The following FBXW7 variants were observed in gnomAD, a reference collection of about 807,000 sequenced individuals.
The protein encoded by FBXW7 is F-box and WD repeat domain containing 7.
In FBXW7, 11 loss-of-function variants were observed where a neutral mutation model predicts 86.3. The ratio of observed to expected loss-of-function variants is 0.13; its 90% CI spans 0.08 to 0.21. FBXW7 has a LOEUF of 0.21. Ranked by LOEUF, FBXW7 falls within the 10% of genes least tolerant of loss-of-function variation. The pLI is 1.00. For synonymous variants in FBXW7, 313 were observed against 297.9 expected (o/e 1.05, Z -0.52); for missense variants, 488 against 847.4 (o/e 0.58, Z 5.27).
At chr4:152,493,658 C>T (rs773500789) in intron 2 of FBXW7, among the ~76,000 whole-genome samples, 1 of 152,108 alleles carries the variant, frequency 6.6e-6, no homozygotes, top group Non-Finnish European at 1.5e-5. Flanking sequence ...ACCAGAAATG[C>T]ATGCAAACAG....
At chr4:152,469,865 G>C (rs1467209422) in intron 2 of FBXW7, among the ~76,000 whole-genome samples, 1 of 152,026 alleles carries the variant, frequency 6.6e-6, no homozygotes, top group South Asian at 2.1e-4. Flanking sequence ...ACTCACTATT[G>C]TAAATGTCAT....
intron 2 of FBXW7, among the ~76,000 whole-genome samples, chr4:152,443,668 C>T (rs939106400): frequency 2.0e-5 from 3 of 151,988 alleles, no homozygotes; most frequent in African/African-American, 7.3e-5. Flanking sequence ...AGATTAAAAT[C>T]CAATCAAAAT....
intron 4 of FBXW7, among the ~76,000 whole-genome samples, chr4:152,394,163 G>A (rs1178803115): frequency 6.6e-6 from 1 of 152,016 alleles, no homozygotes; most frequent in Non-Finnish European, 1.5e-5. Flanking sequence ...TGCTTCATTT[G>A]TTTATAATCA....
Position 152,337,890 on chromosome 4 carries a change from T to G in FBXW7, c.773A>C (p.Asp258Ala), listed in dbSNP as rs1439837621. 6.2e-7 allele frequency: 1 copy of G among 1,612,418 alleles called. No individual in the cohort carries two copies. The highest frequency in any genetic ancestry group is 1.3e-5 in the African/African-American group (1 of 74,890). Residue 258 changes from aspartate to alanine, a missense_variant, in exon 7 of 14, where the codon GAT becomes GCT. This residue lies in a region of FBXW7 where 59 missense variants were observed against 137.9 expected (regional missense o/e 0.43). Transcript: ENST00000281708. Reference protein sequence around the residue: ...EKLLALDELIDSCEPTQVKHM... With the variant: ...EKLLALDELIASCEPTQVKHM... ...TTTTACTTGTGTTGGTTCACAACTA[T>G]CAATGAGTTCATCTAAAGCAAGCAA...
At chr4:152,527,871 C>CAT (rs1749664420) in intron 2 of FBXW7, among the ~76,000 whole-genome samples, 1 of 149,692 alleles carries the variant, frequency 6.7e-6, no homozygotes, top group Non-Finnish European at 1.5e-5. Flanking sequence ...TATATACACA[C>CAT]ACACACACAC....
chr4:152,469,600 G>T (rs1743770738), intron 2 of FBXW7, among the ~76,000 whole-genome samples: 1 of 152,068 alleles, frequency 6.6e-6, no homozygotes, highest in Admixed American at 6.5e-5. Flanking sequence ...GAACAAATCT[G>T]TATTAGTGTT....
chr4:152,386,921 T>C (rs958116283), intron 4 of FBXW7, among the ~76,000 whole-genome samples: 8 of 152,188 alleles, frequency 5.3e-5, no homozygotes, highest in African/African-American at 1.9e-4. Context: ...TCCAATTCTC[T>C]TGTAACAACA....
intron 2 of FBXW7, among the ~76,000 whole-genome samples, chr4:152,435,739 T>A (rs1410657761): frequency 6.6e-6 from 1 of 152,238 alleles, no homozygotes; most frequent in South Asian, 2.1e-4. Flanking sequence ...AATAGTATAT[T>A]TTTTTAAAAA....
chr4:152,395,659 C>T (rs923316561), intron 4 of FBXW7, among the ~76,000 whole-genome samples: 5 of 151,960 alleles, frequency 3.3e-5, no homozygotes, highest in South Asian at 2.1e-4. Flanking sequence ...ATGCATATGC[C>T]GCACTTCCAC....
intron 4 of FBXW7, among the ~76,000 whole-genome samples, chr4:152,402,376 A>C (rs1350611829): frequency 1.3e-5 from 2 of 152,346 alleles, no homozygotes; most frequent in East Asian, 3.9e-4. Context: ...GGAGAAAAAC[A>C]AACTTAATAC....
At chr4:152,529,064 C>T (rs1268093614) in intron 2 of FBXW7, among the ~76,000 whole-genome samples, 1 of 151,918 alleles carries the variant, frequency 6.6e-6, no homozygotes, top group Non-Finnish European at 1.5e-5. Flanking sequence ...TTTGTAATGA[C>T]AATTCAGTTA....
intron 2 of FBXW7, among the ~76,000 whole-genome samples, chr4:152,506,304 T>C (rs1747423078): frequency 6.6e-6 from 1 of 152,140 alleles, no homozygotes; most frequent in African/African-American, 2.4e-5. Flanking sequence ...GCTAATTTTT[T>C]GTATTTTTAG....
Position 152,322,756 on chromosome 4 carries a change from G to T in FBXW7, c.*125C>A. ...AGGTCTTTTCAATCTGTTGCCCCAA[G>T]CCAACATCCTGCACCACTGAGAACA... On this transcript the variant is annotated 3_prime_UTR_variant, in exon 14 of 14. Transcript: ENST00000281708. 6.9e-7 allele frequency: 1 copy of T among 1,459,260 alleles called. No individual in the cohort carries two copies. The highest frequency in any genetic ancestry group is 9.1e-7 in the Non-Finnish European group (1 of 1,100,720). 90.4% of individuals were successfully genotyped at this position (1,459,260 alleles called of 1,614,324 possible).
At chr4:152,464,116 T>C (rs1217882844) in intron 2 of FBXW7, among the ~76,000 whole-genome samples, 1 of 152,192 alleles carries the variant, frequency 6.6e-6, no homozygotes, top group Non-Finnish European at 1.5e-5. Flanking sequence ...CCTAGTTAAG[T>C]AAGAAATGTG....
intron 2 of FBXW7, among the ~76,000 whole-genome samples, chr4:152,519,543 T>C (rs1185217982): frequency 6.6e-6 from 1 of 152,184 alleles, no homozygotes; most frequent in African/African-American, 2.4e-5. Context: ...CTTAGACAGA[T>C]TTTGCCTAGA....
intron 4 of FBXW7, among the ~76,000 whole-genome samples, chr4:152,357,358 T>C (rs969607555): frequency 6.6e-6 from 1 of 152,176 alleles, no homozygotes; most frequent in African/African-American, 2.4e-5. Flanking sequence ...TCATACTCTG[T>C]TGCCCATGCT....
At chr4:152,488,468 T>C (rs1301146785) in intron 2 of FBXW7, among the ~76,000 whole-genome samples, 1 of 152,102 alleles carries the variant, frequency 6.6e-6, no homozygotes, top group Non-Finnish European at 1.5e-5. Context: ...AGCGATTCGT[T>C]CATTAATGCT....
chr4:152,348,311 G>A (rs1731467603), intron 5 of FBXW7, among the ~76,000 whole-genome samples: 1 of 151,810 alleles, frequency 6.6e-6, no homozygotes, highest in African/African-American at 2.4e-5. Flanking sequence ...CAAATTCAAA[G>A]GTAAGTTCTA....
chr4:152,419,094 T>C (rs1458586015), intron 2 of FBXW7, among the ~76,000 whole-genome samples: 1 of 152,186 alleles, frequency 6.6e-6, no homozygotes, highest in Non-Finnish European at 1.5e-5. Flanking sequence ...GTCTAAATTA[T>C]ACTTTTATTC....
Sources: allele counts gnomAD v4.1 joint callset (sites outside exome capture counted in the v4.1 genomes callset), GRCh38; gene constraint gnomAD v4.1.1; regional missense constraint gnomAD v4.1.1; transcripts MANE v1.5; gene names NCBI Gene and HGNC (gene_info 2026-07-23, HGNC 2026-07-21).